Variants in SYT12 observed in about 807,000 individuals in gnomAD.
The protein encoded by SYT12 is synaptotagmin-12.
In SYT12, 27 loss-of-function variants were observed where a neutral mutation model predicts 39.5. The ratio of observed to expected loss-of-function variants is 0.68; its 90% CI spans 0.50 to 0.94. The LOEUF (loss-of-function observed/expected upper bound fraction) is 0.94, where lower values mean the gene tolerates loss of function less well. Ranked by LOEUF, SYT12 falls within the 40% of genes least tolerant of loss-of-function variation. The pLI, the probability that SYT12 is intolerant of heterozygous loss-of-function variation, is 0.00. For synonymous variants in SYT12, 233 were observed against 239.7 expected, an observed-to-expected ratio of 0.97 and a Z score of 0.26; for missense variants, 536 against 572.6, an observed-to-expected ratio of 0.94 and a Z score of 0.65.
At position 67,034,697 on chromosome 11, in the gene SYT12, G is replaced by T; in HGVS notation, c.87G>T (p.Leu29=). The stretch of plus-strand genomic sequence containing the variant: ...TGGGTGTCTATGCTGCAGGGGCCCT[G>T]GCCCTGCTGGGAATCGCAGCTGTGA... ...WEVGVYAAGA[L]ALLGIAAVSL... The change falls in exon 3 of 8, where the codon CTG becomes CTT. Residue 29 remains leucine, a synonymous_variant. Transcript: ENST00000527043. 5 of 1,603,368 alleles carry T rather than the reference G, an allele frequency of 3.1e-6. No homozygotes were observed. Among genetic ancestry groups the T allele is most frequent in the Non-Finnish European group, 3.4e-6 (4 of 1,175,862 alleles).
At chr11:67,043,378 C>T (rs761011562) in intron 4 of SYT12, among the ~76,000 whole-genome samples, 9 of 152,168 alleles carry the variant, frequency 5.9e-5, no homozygotes, top group Non-Finnish European at 1.0e-4. Context: ...TGGGGTGCCA[C>T]GGGCACTGAG....
At chr11:67,035,837 C>CTTTCTTTCTTTCTTTCTTTCTTT in intron 3 of SYT12, among the ~76,000 whole-genome samples, 1 of 111,144 alleles carries the variant, frequency 9.0e-6, no homozygotes, top group East Asian at 2.8e-4. Context: ...TTCCTTCCTT[C>CTTTCTTTCTTTCTTTCTTTCTTT]CTTTCTTTCT....
In SYT12 at chr11:67,048,674, G is replaced by A; in HGVS notation, c.1183G>A (p.Gly395Ser). 6.2e-7 allele frequency: 1 copy of A among 1,613,024 alleles called. No homozygotes were observed. Among genetic ancestry groups the A allele is most frequent in the Non-Finnish European group, 8.5e-7 (1 of 1,179,254 alleles). ...GHVIIGPSAS[G>S]MGTTHWNQML... The stretch of plus-strand genomic sequence containing the variant: ...TGTCATCATTGGGCCGTCAGCCAGT[G>A]GCATGGGAACCACACATTGGAACCA... Residue 395 changes from glycine (G) to serine (S), a missense_variant, in exon 8 of 8, where the codon GGC becomes AGC. Transcript: ENST00000527043.
intron 6 of SYT12, among the ~76,000 whole-genome samples, chr11:67,044,980 C>T (rs1950588347): frequency 6.6e-6 from 1 of 151,924 alleles, no homozygotes; most frequent in South Asian, 2.1e-4. Flanking sequence ...GCGGGGGTCT[C>T]AGGGCAGGAG....
intron 3 of SYT12, among the ~76,000 whole-genome samples, chr11:67,017,851 T>C (rs1327700608): frequency 6.6e-6 from 1 of 150,420 alleles, no homozygotes; most frequent in African/African-American, 2.4e-5. Context: ...TCCCAGCTAC[T>C]CAGGAGGCTG....
At chr11:67,021,267 C>T (rs575723774), upstream of SYT12, among the ~76,000 whole-genome samples, 32 of 152,118 alleles carry the variant, frequency 2.1e-4, no homozygotes, top group South Asian at 1.2e-3. Flanking sequence ...AAGCTCACTC[C>T]CGCCCCTGCA....
rs1248643568 is a variant in SYT12, at chr11:67,034,664, CTGGGAGG to C, written c.59_65del (p.Glu20ValfsTer16). 2.0e-5 allele frequency: 32 copies of C among 1,595,196 alleles called. No homozygotes were observed. The highest frequency in any genetic ancestry group is 2.7e-5 in the Non-Finnish European group (32 of 1,172,688). On this transcript the variant is annotated frameshift_variant, in exon 3 of 8. Transcript: ENST00000527043. LOFTEE classifies it high-confidence loss of function. ...TTGCAGTCATCAAGAGCCCCCCTGG[CTGGGAGG>C]TGGGTGTCTATGCTGCAGGGGCCCT...
chr11:67,025,644 G>A (rs947163128), intron 1 of SYT12, among the ~76,000 whole-genome samples: 9 of 152,166 alleles, frequency 5.9e-5, no homozygotes, highest in Non-Finnish European at 1.3e-4. Flanking sequence ...TCCCAGGTGA[G>A]ACAGAGTCAA....
chr11:67,043,705 TGGA>T lies in SYT12; in HGVS notation c.694_696del (p.Glu232del), dbSNP rs1409635670. On this transcript the variant is annotated inframe_deletion, in exon 5 of 8. Transcript: ENST00000527043. The stretch of plus-strand genomic sequence containing the variant: ...TCCATCCCCCTGGATCCCACAGCCC[TGGA>T]GGAGAAGAGCCTGCGGTTTTCTGTA... 3 of 1,614,012 alleles carry T rather than the reference TGGA, an allele frequency of 1.9e-6. No homozygotes were observed. The highest frequency in any genetic ancestry group is 4.5e-5 in the East Asian group (2 of 44,894).
intron 3 of SYT12, among the ~76,000 whole-genome samples, chr11:67,039,559 A>T (rs1950457638): frequency 6.6e-6 from 1 of 152,332 alleles, no homozygotes; most frequent in Non-Finnish European, 1.5e-5. Context: ...GGTTGCAGTG[A>T]GCCGAGATCA....
At chr11:67,041,201 A>G (rs887917723) in intron 4 of SYT12, among the ~76,000 whole-genome samples, 5 of 151,054 alleles carry the variant, frequency 3.3e-5, no homozygotes, top group Admixed American at 3.3e-4. Flanking sequence ...GGCCAGGTGC[A>G]GTGGCTCACA....
At chr11:67,044,446 G>C (rs948938877) in intron 5 of SYT12, 147 bp from the exon 6 acceptor site, 6 of 1,076,222 alleles carry the variant, frequency 5.6e-6, no homozygotes, top group Non-Finnish European at 6.4e-6. Context: ...GTCCCTGCCT[G>C]CCTGGAGCCC....
At chr11:67,013,715 C>T (rs1174822782) in intron 3 of SYT12, among the ~76,000 whole-genome samples, 1 of 152,266 alleles carries the variant, frequency 6.6e-6, no homozygotes, top group African/African-American at 2.4e-5. Context: ...CCCTGCCCTC[C>T]ACTCAGCTGC....
Position 67,026,019 on chromosome 11 carries a change from T to G in SYT12, c.-24+2559T>G, listed in dbSNP as rs1950176033. Among the ~76,000 whole-genome samples the G allele has an allele frequency of 2.0e-5, 3 of 152,010 alleles. No individual in the cohort carries two copies. The South Asian group carries it at 6.2e-4, about 32-fold the overall frequency. On this transcript the variant is annotated intron_variant, in intron 1 of 7. Transcript: ENST00000527043. ...GCTGGGCGTGGTGAGATCACACCAC[T>G]TCATTCCAGCCTGGGTGAAAGAGCG...
At position 67,049,415 on chromosome 11, in the gene SYT12, C is replaced by A. The variant is rs1854682254; in HGVS notation, c.*658C>A. On this transcript the variant is annotated 3_prime_UTR_variant, in exon 8 of 8. Transcript: ENST00000527043. Reference sequence around the variant, plus strand: ...GGGGCCGGAGAAGAGACCAAGAGACCAGGCCCGGGCAGCAGCCTACCGGCC... The same window carrying A: ...GGGGCCGGAGAAGAGACCAAGAGACAAGGCCCGGGCAGCAGCCTACCGGCC... 1 of 152,220 alleles carries A rather than the reference C, an allele frequency of 6.6e-6. No individual in the cohort carries two copies. Among genetic ancestry groups the A allele is most frequent in the Non-Finnish European group, 1.5e-5 (1 of 68,068 alleles). The allele number at this position is 152,220 out of a possible 1,614,324, so 9.4% of individuals were successfully genotyped here. A position where few individuals can be genotyped will look rare whatever the true frequency, so the allele number is the denominator to read the frequency against.
intron 3 of SYT12, among the ~76,000 whole-genome samples, chr11:67,014,669 T>G (rs1950039424): frequency 6.7e-6 from 1 of 149,796 alleles, no homozygotes. Flanking sequence ...GGGGTGGAGG[T>G]GGGGGTAGCA....
In SYT12 at chr11:67,023,347, T is replaced by C. The variant is rs1459637000; in HGVS notation, c.-137T>C. 6.8e-6 allele frequency: 1 copy of C among 147,356 alleles called. No homozygotes were observed. The allele number at this position is 147,356 out of a possible 1,614,324, so 9.1% of individuals were successfully genotyped here. ...CTCGGAGGCGGGAGCCCGGCGACACTGCAGGGGTGGCGTTGCCGCCGGCGG... is the reference window on the plus strand; with the variant it reads ...CTCGGAGGCGGGAGCCCGGCGACACCGCAGGGGTGGCGTTGCCGCCGGCGG... On this transcript the variant is annotated 5_prime_UTR_variant, in exon 1 of 8. Transcript: ENST00000527043.
chr11:67,010,527 C>T (rs1216225754), intron 2 of SYT12, among the ~76,000 whole-genome samples: 4 of 152,356 alleles, frequency 2.6e-5, no homozygotes, highest in Admixed American at 2.6e-4. Flanking sequence ...ACCCTGAGCT[C>T]ATGCCCCTTC....
chr11:67,035,940 G>T (rs1455201203), intron 3 of SYT12, among the ~76,000 whole-genome samples: 1 of 130,646 alleles, frequency 7.7e-6, no homozygotes, highest in African/African-American at 2.9e-5. Context: ...TTTGAGACAG[G>T]GTCTCACTCT....
Sources: gnomAD v4.1 joint callset for allele counts (sites outside exome capture counted in the v4.1 genomes callset) on GRCh38, gnomAD v4.1.1 for gene constraint, MANE v1.5 for transcripts, NCBI Gene and HGNC (gene_info 2026-07-23, HGNC 2026-07-21) for gene names.